Variants in TENM4 observed in about 807,000 individuals in gnomAD.
The protein encoded by TENM4 is teneurin transmembrane protein 4.
A neutral mutation model predicts 243.3 loss-of-function variants in TENM4; 82 were observed. The ratio of observed to expected loss-of-function variants is 0.34; its 90% CI spans 0.28 to 0.40. The LOEUF (loss-of-function observed/expected upper bound fraction) is 0.40. TENM4 is among the 10% of genes least tolerant of loss of function. The probability of loss-of-function intolerance (pLI) is 1.00; values close to 1 mark genes in which losing one functional copy is unlikely to be tolerated. For synonymous variants in TENM4, 1,412 were observed against 1,456.3 expected, an observed-to-expected ratio of 0.97 and a Z score of 0.69; for missense variants, 3,138 against 3,673.3, an observed-to-expected ratio of 0.85 and a Z score of 3.77.
chr11:78,898,128 A>G (rs1855840320), intron 7 of TENM4, among the ~76,000 whole-genome samples: 1 of 152,340 alleles, frequency 6.6e-6, no homozygotes, highest in East Asian at 1.9e-4. Context: ...AGATGCACCT[A>G]TAGAAGCTTA....
At chr11:79,288,056 C>T (rs1386550451) in intron 2 of TENM4, among the ~76,000 whole-genome samples, 3 of 152,206 alleles carry the variant, frequency 2.0e-5, no homozygotes, top group Non-Finnish European at 4.4e-5. Flanking sequence ...ACCTCTCTAC[C>T]AAATACCTCT....
chr11:78,755,590 T>C lies in TENM4; in HGVS notation c.2756+1215A>G, dbSNP rs1034008755. ...AGAATTACTAACTGCAGATAGACAT[T>C]TACTCGTGGGTGGCCTACTGTGGTG... On this transcript the variant is annotated intron_variant, in intron 19 of 33. Transcript: ENST00000278550. Among the ~76,000 whole-genome samples, 5 of 152,198 alleles carry C rather than the reference T, an allele frequency of 3.3e-5. No individual in the cohort carries two copies. In the East Asian group the frequency reaches 9.7e-4, roughly 29 times the overall value.
intron 1 of TENM4, among the ~76,000 whole-genome samples, chr11:79,317,195 G>A (rs1442671614): frequency 6.6e-6 from 1 of 152,222 alleles, no homozygotes; most frequent in African/African-American, 2.4e-5. Context: ...CAAAAGGTTT[G>A]TTAACACTCA....
intron 3 of TENM4, among the ~76,000 whole-genome samples, chr11:79,163,198 A>G (rs963949316): frequency 2.0e-5 from 3 of 152,114 alleles, no homozygotes; most frequent in African/African-American, 7.2e-5. Context: ...GAGTGAGAGA[A>G]GGAAAGGGGA....
intron 3 of TENM4, among the ~76,000 whole-genome samples, chr11:79,178,868 T>C (rs78090020): frequency 0.012 from 1,799 of 152,330 alleles, 43 homozygotes; most frequent in African/African-American, 0.042. Context: ...TCCCTGTTCA[T>C]AGGATACACT....
At chr11:78,908,325 G>A (rs886253518) in intron 6 of TENM4, among the ~76,000 whole-genome samples, 1 of 152,188 alleles carries the variant, frequency 6.6e-6, no homozygotes, top group African/African-American at 2.4e-5. Flanking sequence ...GGATTGTTAT[G>A]AGAATTAAAA....
intron 15 of TENM4, among the ~76,000 whole-genome samples, chr11:78,801,884 C>T (rs1054595840): frequency 7.9e-5 from 12 of 152,164 alleles, no homozygotes; most frequent in Non-Finnish European, 1.8e-4. Flanking sequence ...CTTGAGCTAC[C>T]GTTTGTCTAG....
chr11:78,672,417 G>A, intron 30 of TENM4, 88 bp from the exon 31 acceptor site: 1 of 1,428,244 alleles, frequency 7.0e-7, no homozygotes, highest in South Asian at 1.3e-5. Context: ...AGCTCTGCTG[G>A]GAAGCTCTTG....
chr11:79,373,426 CTGGCTGGATGAATGGATGGA>C (rs1198218502), intron 1 of TENM4, among the ~76,000 whole-genome samples: 2 of 149,940 alleles, frequency 1.3e-5, no homozygotes, highest in African/African-American at 4.9e-5. Context: ...GACTGGCTGG[CTGGCTGGATGAATGGATGGA>C]TGGCTCGTTG....
Position 79,136,578 on chromosome 11 carries a change from A to G in TENM4, c.-66+12132T>C, listed in dbSNP as rs188169965. On this transcript the variant is annotated intron_variant, in intron 4 of 33. Coordinates refer to ENST00000278550, the MANE Select transcript of TENM4 (RefSeq NM_001098816.3). Reference sequence around the variant, plus strand: ...CCTCAGGATTATTAGCCAGCTACCTAGTGGCGGGTTGATTATACTGGACCT... The same window carrying G: ...CCTCAGGATTATTAGCCAGCTACCTGGTGGCGGGTTGATTATACTGGACCT... Among the ~76,000 whole-genome samples the G allele has an allele frequency of 2.4e-3, 365 of 152,254 alleles. 2 individuals carry two copies. Among genetic ancestry groups the G allele is most frequent in the Non-Finnish European group, 4.0e-3 (270 of 68,010 alleles).
intron 32 of TENM4, among the ~76,000 whole-genome samples, chr11:78,664,189 C>CA (rs1280734375): frequency 2.0e-5 from 3 of 152,162 alleles, no homozygotes; most frequent in African/African-American, 7.2e-5. Context: ...GAGAAGAATA[C>CA]AAAGTGTTAC....
chr11:79,054,786 T>A (rs564127605), intron 6 of TENM4, among the ~76,000 whole-genome samples: 1 of 152,228 alleles, frequency 6.6e-6, no homozygotes, highest in South Asian at 2.1e-4. Flanking sequence ...CTAAAACCTA[T>A]AATAATAAAT....
chr11:78,986,453 A>G (rs761493786), intron 6 of TENM4, among the ~76,000 whole-genome samples: 1 of 152,138 alleles, frequency 6.6e-6, no homozygotes, highest in Non-Finnish European at 1.5e-5. Context: ...TTGTAAGTGG[A>G]TGAGGTGGCT....
At chr11:79,016,823 G>A (rs556016663) in intron 6 of TENM4, among the ~76,000 whole-genome samples, 3 of 152,340 alleles carry the variant, frequency 2.0e-5, no homozygotes, top group South Asian at 4.1e-4. Context: ...GAGATTGAGA[G>A]GGGAGGTGAG....
Position 78,880,860 on chromosome 11 carries a change from C to G in TENM4, c.1084+8925G>C, listed in dbSNP as rs74689045. Among the ~76,000 whole-genome samples, 14 of 151,998 alleles carry G rather than the reference C, an allele frequency of 9.2e-5. No homozygotes were observed. In the East Asian group the frequency reaches 2.7e-3, roughly 29 times the overall value. On this transcript the variant is annotated intron_variant, in intron 9 of 33. Coordinates refer to ENST00000278550, the MANE Select transcript of TENM4 (RefSeq NM_001098816.3). The stretch of plus-strand genomic sequence containing the variant: ...TTCTCAAAAACAGTGCCTGAAACTA[C>G]AGAGACAGAGAATAGATAGATGAGT...
intron 4 of TENM4, among the ~76,000 whole-genome samples, chr11:79,140,164 G>A (rs903182557): frequency 3.9e-5 from 6 of 151,902 alleles, no homozygotes; most frequent in African/African-American, 9.7e-5. Context: ...AGGCAGTTCC[G>A]GCGTGCAACA....
At chr11:78,869,397 A>G (rs1197603783) in intron 9 of TENM4, among the ~76,000 whole-genome samples, 1 of 152,252 alleles carries the variant, frequency 6.6e-6, no homozygotes, top group Non-Finnish European at 1.5e-5. Context: ...TGACCTCAGG[A>G]TTTGAATTAC....
intron 24 of TENM4, among the ~76,000 whole-genome samples, chr11:78,720,651 A>C (rs1289454814): frequency 6.6e-6 from 1 of 152,242 alleles, no homozygotes; most frequent in Non-Finnish European, 1.5e-5. Flanking sequence ...GAAGAGGACT[A>C]GGTTGACACA....
chr11:78,920,535 C>T (rs927074108), intron 6 of TENM4, among the ~76,000 whole-genome samples: 5 of 152,154 alleles, frequency 3.3e-5, no homozygotes, highest in African/African-American at 4.8e-5. Flanking sequence ...TTCACGGTCT[C>T]GTCCTCTCGC....
Sources: allele counts gnomAD v4.1 joint callset (sites outside exome capture counted in the v4.1 genomes callset), GRCh38; gene constraint gnomAD v4.1.1; transcripts MANE v1.5; gene names NCBI Gene and HGNC (gene_info 2026-07-23, HGNC 2026-07-21).